Variants in DDX4 observed in about 807,000 individuals in gnomAD.
The protein encoded by DDX4 is DEAD-box helicase 4.
A neutral mutation model predicts 100.0 loss-of-function variants in DDX4; 25 were observed. The observed-to-expected ratio is 0.25, with a 90% CI of 0.18 to 0.35. The LOEUF is 0.35. Among genes scored for constraint, DDX4 ranks in the 10% least tolerant of loss-of-function variants. The probability of loss-of-function intolerance (pLI) is 1.00; values close to 1 mark genes in which losing one functional copy is unlikely to be tolerated. For synonymous variants in DDX4, 259 were observed against 275.7 expected (o/e 0.94, Z 0.60); for missense variants, 635 against 882.4 (o/e 0.72, Z 3.55).
chr5:55,801,232 T>C (rs1189696474), intron 18 of DDX4, among the ~76,000 whole-genome samples: 1 of 151,676 alleles, frequency 6.6e-6, no homozygotes, highest in African/African-American at 2.4e-5. Context: ...TTTTTTTTTT[T>C]TGCGATTAAA....
At chr5:55,775,230 A>G (rs573882488) in intron 7 of DDX4, among the ~76,000 whole-genome samples, 2 of 152,270 alleles carry the variant, frequency 1.3e-5, no homozygotes, top group Admixed American at 6.5e-5. Flanking sequence ...AATATAATGT[A>G]TTTACCACAT....
intron 18 of DDX4, among the ~76,000 whole-genome samples, chr5:55,804,094 G>A (rs1743525523): frequency 6.6e-6 from 1 of 151,922 alleles, no homozygotes; most frequent in Non-Finnish European, 1.5e-5. Flanking sequence ...ATTTTTTCAT[G>A]TGGTTTTTGG....
chr5:55,791,562 A>G (rs1035084939), intron 16 of DDX4, among the ~76,000 whole-genome samples: 3 of 152,194 alleles, frequency 2.0e-5, no homozygotes, highest in Admixed American at 6.5e-5. Flanking sequence ...TTTACTAAGG[A>G]TTTAAAGAGG....
chr5:55,781,602 C>G (rs942930605), intron 9 of DDX4, among the ~76,000 whole-genome samples: 1 of 151,748 alleles, frequency 6.6e-6, no homozygotes, highest in African/African-American at 2.4e-5. Flanking sequence ...CATGGCAAAA[C>G]CCTATCTCTA....
rs1196480044 is a variant in DDX4, at chr5:55,767,861, A to G, written c.335-20A>G. 4 of 1,599,784 alleles carry G rather than the reference A, an allele frequency of 2.5e-6. No homozygotes were observed. Among genetic ancestry groups the G allele is most frequent in the African/African-American group, 1.3e-5 (1 of 74,582 alleles). ...TTTAAGTTAATTAAATGCTATTTAC[A>G]TGTTAAATTTTTATTGAAGAGTCTA... is the stretch of plus-strand genomic sequence containing the variant. On this transcript the variant is annotated intron_variant, in intron 6 of 21. Transcript: ENST00000505374.
At chr5:55,809,500 T>C (rs1318487360) in intron 18 of DDX4, among the ~76,000 whole-genome samples, 1 of 152,196 alleles carries the variant, frequency 6.6e-6, no homozygotes, top group East Asian at 1.9e-4. Context: ...ACCTGATTTA[T>C]GAAAATGAGC....
At chr5:55,746,974 G>A (rs1759278135) in intron 3 of DDX4, among the ~76,000 whole-genome samples, 1 of 152,230 alleles carries the variant, frequency 6.6e-6, no homozygotes, top group African/African-American at 2.4e-5. Context: ...GCTCATGCCT[G>A]TAATCCCAGC....
intron 7 of DDX4, among the ~76,000 whole-genome samples, chr5:55,774,239 C>T (rs981253056): frequency 6.6e-6 from 1 of 151,660 alleles, no homozygotes; most frequent in Non-Finnish European, 1.5e-5. Context: ...ACAGCTTCAA[C>T]TTCCTGGTCT....
At chr5:55,807,223 C>T (rs562631545) in intron 18 of DDX4, among the ~76,000 whole-genome samples, 2 of 152,258 alleles carry the variant, frequency 1.3e-5, no homozygotes, top group East Asian at 3.9e-4. Flanking sequence ...TGGCTCTGCA[C>T]ATGAGCTGGG....
intron 6 of DDX4, chr5:55,766,772 T>C (rs1312852479): frequency 5.5e-6 from 4 of 729,852 alleles, no homozygotes; most frequent in Admixed American, 3.7e-5. Flanking sequence ...TTCCCAGATA[T>C]TAAATATTAA....
At chr5:55,781,741 C>CA (rs1741924212) in intron 9 of DDX4, among the ~76,000 whole-genome samples, 193 bp from the exon 10 acceptor site, 1 of 149,426 alleles carries the variant, frequency 6.7e-6, no homozygotes, top group Non-Finnish European at 1.5e-5. Flanking sequence ...CACGCCACTG[C>CA]ACTCCAGCCT....
At chr5:55,803,503 G>GT (rs1451670913) in intron 18 of DDX4, among the ~76,000 whole-genome samples, 3 of 106,404 alleles carry the variant, frequency 2.8e-5, no homozygotes, top group African/African-American at 3.9e-5. Flanking sequence ...AGTCCCCAGA[G>GT]TGTGATGTTC....
At chr5:55,764,888 C>T (rs1740793358) in intron 6 of DDX4, among the ~76,000 whole-genome samples, 1 of 152,306 alleles carries the variant, frequency 6.6e-6, no homozygotes, top group Non-Finnish European at 1.5e-5. Context: ...ATGACAAACA[C>T]TCAGATGTCA....
intron 2 of DDX4, among the ~76,000 whole-genome samples, 170 bp from the exon 3 acceptor site, chr5:55,745,994 G>A (rs1759230275): frequency 6.6e-6 from 1 of 152,162 alleles, no homozygotes; most frequent in Admixed American, 6.5e-5. Context: ...AAGTGAAGAT[G>A]TCTTGGAATA....
intron 6 of DDX4, among the ~76,000 whole-genome samples, chr5:55,765,233 C>T (rs1373423018): frequency 6.6e-6 from 1 of 151,588 alleles, no homozygotes; most frequent in African/African-American, 2.4e-5. Context: ...TCTACTTATA[C>T]ACAGACCTTT....
chr5:55,771,494 T>C (rs1281689050), intron 7 of DDX4, among the ~76,000 whole-genome samples: 2 of 152,228 alleles, frequency 1.3e-5, no homozygotes, highest in African/African-American at 4.8e-5. Flanking sequence ...TTTCTATTAG[T>C]GATAGGTATT....
chr5:55,752,979 C>T (rs1447694864), intron 3 of DDX4, among the ~76,000 whole-genome samples: 1 of 151,640 alleles, frequency 6.6e-6, no homozygotes, highest in Non-Finnish European at 1.5e-5. Context: ...GCATAAATGT[C>T]TTCTTTTGAG....
At chr5:55,756,063 A>C (rs897647982) in intron 3 of DDX4, among the ~76,000 whole-genome samples, 3 of 152,144 alleles carry the variant, frequency 2.0e-5, no homozygotes, top group Non-Finnish European at 2.9e-5. Context: ...TTATTTGTGG[A>C]TGTATGATAT....
chr5:55,794,150 A>G (rs1007550674), intron 17 of DDX4, among the ~76,000 whole-genome samples: 7 of 151,272 alleles, frequency 4.6e-5, no homozygotes, highest in African/African-American at 7.3e-5. Flanking sequence ...ACATAAAACA[A>G]TCATTTCTTA....
Sources: gnomAD v4.1 joint callset for allele counts (sites outside exome capture counted in the v4.1 genomes callset) on GRCh38, gnomAD v4.1.1 for gene constraint, MANE v1.5 for transcripts, NCBI Gene and HGNC (gene_info 2026-07-23, HGNC 2026-07-21) for gene names.